NDUFAF2: variants seen among roughly 807,000 people sequenced by gnomAD.
The protein encoded by NDUFAF2 is NADH:ubiquinone oxidoreductase complex assembly factor 2.
Under a neutral mutation model 22.8 loss-of-function variants are expected in NDUFAF2, and 13 were observed. That is an observed-to-expected ratio of 0.57 (90% confidence interval 0.37 to 0.91). The LOEUF (loss-of-function observed/expected upper bound fraction) is 0.91. Among genes scored for constraint, NDUFAF2 ranks in the 40% least tolerant of loss-of-function variants. NDUFAF2 has a pLI of 0.01. For synonymous variants in NDUFAF2, 53 were observed against 64.2 expected (o/e 0.83, Z 0.84); for missense variants, 162 against 195.2 (o/e 0.83, Z 1.01).
chr5:61,060,397 C>G (rs1344249340), intron 1 of NDUFAF2, among the ~76,000 whole-genome samples: 1 of 152,168 alleles, frequency 6.6e-6, no homozygotes, highest in East Asian at 1.9e-4. Flanking sequence ...GTAGTTCTCA[C>G]TTTCATACAT....
chr5:60,950,315 T>C (rs867934080), intron 1 of NDUFAF2, among the ~76,000 whole-genome samples: 4 of 152,090 alleles, frequency 2.6e-5, no homozygotes, highest in Admixed American at 1.3e-4. Context: ...GCCTCCTGAG[T>C]ATCTGGGATT....
intron 1 of NDUFAF2, among the ~76,000 whole-genome samples, chr5:60,956,055 C>T (rs1750611056): frequency 6.6e-6 from 1 of 152,002 alleles, no homozygotes; most frequent in Non-Finnish European, 1.5e-5. Flanking sequence ...TATGTGCCAC[C>T]ATGCCCAGCT....
At chr5:60,956,130 G>C (rs1341527755) in intron 1 of NDUFAF2, among the ~76,000 whole-genome samples, 2 of 151,870 alleles carry the variant, frequency 1.3e-5, no homozygotes, top group African/African-American at 4.8e-5. Flanking sequence ...TAAACTCCTG[G>C]GCTCAAGTGA....
chr5:61,042,015 A>T (rs761909295), intron 1 of NDUFAF2, among the ~76,000 whole-genome samples: 68 of 152,120 alleles, frequency 4.5e-4, no homozygotes, highest in Non-Finnish European at 8.4e-4. Flanking sequence ...TCCAATTTGA[A>T]ATCCAGGTAT....
intron 1 of NDUFAF2, among the ~76,000 whole-genome samples, chr5:60,961,140 G>A (rs940287264): frequency 2.6e-5 from 4 of 152,110 alleles, no homozygotes; most frequent in Non-Finnish European, 5.9e-5. Flanking sequence ...GTTGAAAAAT[G>A]AAACTTAAAG....
chr5:61,105,755 C>G (rs1027184752), intron 3 of NDUFAF2, among the ~76,000 whole-genome samples: 1 of 151,216 alleles, frequency 6.6e-6, no homozygotes, highest in East Asian at 1.9e-4. Flanking sequence ...AGTTCACTCT[C>G]AAGTCTAATG....
chr5:60,971,277 TC>T (rs1355371520), intron 1 of NDUFAF2, among the ~76,000 whole-genome samples: 1 of 112,094 alleles, frequency 8.9e-6, no homozygotes, highest in African/African-American at 3.0e-5. Flanking sequence ...ATATCTTTTT[TC>T]TTTCTTTCTT....
chr5:61,110,502 T>A (rs1752826687), intron 3 of NDUFAF2, among the ~76,000 whole-genome samples: 1 of 152,084 alleles, frequency 6.6e-6, no homozygotes, highest in Non-Finnish European at 1.5e-5. Flanking sequence ...TCAATCTTAT[T>A]CTTATTGGTT....
intron 1 of NDUFAF2, among the ~76,000 whole-genome samples, chr5:61,044,232 A>G (rs1279244671): frequency 6.6e-6 from 1 of 150,984 alleles, no homozygotes; most frequent in African/African-American, 2.4e-5. Flanking sequence ...TGAGTTCCTT[A>G]TATATTTTGG....
intron 1 of NDUFAF2, among the ~76,000 whole-genome samples, chr5:60,948,308 C>T (rs996467503): frequency 6.6e-6 from 1 of 152,178 alleles, no homozygotes; most frequent in Admixed American, 6.5e-5. Flanking sequence ...CAACCTCTGC[C>T]TCCCAGGTTC....
At chr5:61,141,569 C>T (rs1022210762) in intron 3 of NDUFAF2, among the ~76,000 whole-genome samples, 2 of 152,134 alleles carry the variant, frequency 1.3e-5, no homozygotes. Flanking sequence ...CTTTGACCAT[C>T]CTCTTTGTTC....
chr5:61,045,124 T>C (rs868675340), intron 1 of NDUFAF2, among the ~76,000 whole-genome samples: 1 of 135,940 alleles, frequency 7.4e-6, no homozygotes, highest in African/African-American at 2.7e-5. Context: ...TAAAATAAAA[T>C]AAAGTTTTAT....
chr5:61,095,590 G>T (rs1175562749), intron 2 of NDUFAF2, among the ~76,000 whole-genome samples: 1 of 152,206 alleles, frequency 6.6e-6, no homozygotes, highest in African/African-American at 2.4e-5. Flanking sequence ...AGGAAGTGTG[G>T]AGCCTAAGTA....
intron 1 of NDUFAF2, among the ~76,000 whole-genome samples, chr5:60,988,767 A>G (rs1751117467): frequency 6.6e-6 from 1 of 152,236 alleles, no homozygotes; most frequent in African/African-American, 2.4e-5. Flanking sequence ...TACATCATAT[A>G]TAAAAGCCAA....
intron 3 of NDUFAF2, among the ~76,000 whole-genome samples, chr5:61,105,450 C>G (rs1752750879): frequency 6.6e-6 from 1 of 150,936 alleles, no homozygotes; most frequent in Admixed American, 6.6e-5. Context: ...GGACCTCCCA[C>G]TCCTCACCCC....
intron 1 of NDUFAF2, among the ~76,000 whole-genome samples, chr5:60,985,603 CT>C (rs1159754109): frequency 6.6e-6 from 1 of 152,146 alleles, no homozygotes; most frequent in African/African-American, 2.4e-5. Flanking sequence ...TGTCTTTGTT[CT>C]CTTTGGTTTG....
rs986790260 is a variant in NDUFAF2 at position 61,084,565 on chromosome 5, A to G, written c.217+11351A>G. Among the ~76,000 whole-genome samples the G allele has an allele frequency of 2.6e-5, 4 of 152,310 alleles. No homozygotes were observed. In the East Asian group the frequency reaches 7.7e-4, roughly 29 times the overall value. ...AAGTACGTCATAGAAATTGAATCATACAGTATTTGACCTTTTTATGTCTGG... is the reference window on the plus strand; with the variant it reads ...AAGTACGTCATAGAAATTGAATCATGCAGTATTTGACCTTTTTATGTCTGG... On this transcript the variant is annotated intron_variant, in intron 2 of 3. Coordinates refer to ENST00000296597, the MANE Select transcript of NDUFAF2 (RefSeq NM_174889.5).
rs192290695 is a variant in NDUFAF2, at chr5:61,144,642, T to G, written c.259-8062T>G. Among the ~76,000 whole-genome samples, 27 of 152,266 alleles carry G rather than the reference T, an allele frequency of 1.8e-4. No individual in the cohort carries two copies. The East Asian group carries it at 4.6e-3, about 26-fold the overall frequency. ...AGGTTGAAAACTCTTTGGGTAACCT[T>G]TGAACCTATTCAGATATCTCTCAGC... On this transcript the variant is annotated intron_variant, in intron 3 of 3. Coordinates refer to ENST00000296597, the MANE Select transcript of NDUFAF2 (RefSeq NM_174889.5).
At chr5:61,018,673 A>C (rs1176209445) in intron 1 of NDUFAF2, among the ~76,000 whole-genome samples, 1 of 152,114 alleles carries the variant, frequency 6.6e-6, no homozygotes, top group Non-Finnish European at 1.5e-5. Flanking sequence ...ATTTATAATA[A>C]AATGTAGTTT....
Sources: allele counts gnomAD v4.1 joint callset (sites outside exome capture counted in the v4.1 genomes callset), GRCh38; gene constraint gnomAD v4.1.1; transcripts MANE v1.5; gene names NCBI Gene and HGNC (gene_info 2026-07-23, HGNC 2026-07-21).